The following MYLK3 variants were observed in gnomAD, a reference collection of about 807,000 sequenced individuals.
The protein encoded by MYLK3 is MLC kinase.
MYLK3 carries 55 observed loss-of-function variants against 76.3 expected under a neutral mutation model. The ratio of observed to expected loss-of-function variants is 0.72; its 90% CI spans 0.58 to 0.90. The LOEUF (loss-of-function observed/expected upper bound fraction) is 0.90. Among genes scored for constraint, MYLK3 ranks in the 40% least tolerant of loss-of-function variants. The probability of loss-of-function intolerance (pLI) is 0.00; values close to 1 mark genes in which losing one functional copy is unlikely to be tolerated. For synonymous variants in MYLK3, 416 were observed against 425.4 expected (o/e 0.98, Z 0.27); for missense variants, 973 against 1,053.6 (o/e 0.92, Z 1.06).
intron 1 of MYLK3, among the ~76,000 whole-genome samples, chr16:46,741,553 G>A (rs545636886): frequency 6.6e-6 from 1 of 152,342 alleles, no homozygotes; most frequent in South Asian, 2.1e-4. Flanking sequence ...TGTTACAGCA[G>A]CAGTGCCAGC....
In MYLK3 at chr16:46,703,025, A is replaced by G. The variant is rs1160658971; in HGVS notation, c.*4679T>C. Among the ~76,000 whole-genome samples the G allele has an allele frequency of 2.0e-5, 3 of 151,802 alleles. No homozygotes were observed. Among genetic ancestry groups the G allele is most frequent in the Non-Finnish European group, 2.9e-5 (2 of 67,982 alleles). On this transcript the variant is annotated 3_prime_UTR_variant, in exon 13 of 13. Transcript: ENST00000394809. ...TGAAAAGTGGAATTCCCCCTCTCCC[A>G]ATCACCCACTTTTCACACTCCACTG... is the stretch of plus-strand genomic sequence containing the variant.
At chr16:46,715,913 C>G (rs953927030) in intron 9 of MYLK3, among the ~76,000 whole-genome samples, 1 of 152,198 alleles carries the variant, frequency 6.6e-6, no homozygotes, top group Non-Finnish European at 1.5e-5. Context: ...CCTGCAAAAC[C>G]CCCACAGATC....
At chr16:46,716,092 C>T (rs1291162399) in intron 9 of MYLK3, among the ~76,000 whole-genome samples, 2 of 152,190 alleles carry the variant, frequency 1.3e-5, no homozygotes, top group Admixed American at 6.5e-5. Flanking sequence ...CCACGGAGTG[C>T]GGTTTCCTGC....
Position 46,748,086 on chromosome 16 carries a change from C to T in MYLK3, c.108G>A (p.Val36=), listed in dbSNP as rs780267774. The change falls in exon 1 of 13, where the codon GTG becomes GTA. Residue 36 remains valine (V), a synonymous_variant. Coordinates refer to ENST00000394809, the MANE Select transcript of MYLK3 (RefSeq NM_182493.3). The surrounding 1 kb of genome is among the most constrained non-coding windows in gnomAD (Gnocchi z 4.3). ...DTKLNMLNEK[V]DQLLHFQEDV... The stretch of plus-strand genomic sequence containing the variant: ...CTTCTTGGAAGTGCAGGAGCTGGTC[C>T]ACCTTCTCGTTCAGCATGTTCAGCT... 3.7e-6 allele frequency: 6 copies of T among 1,614,264 alleles called. No homozygotes were observed. Among genetic ancestry groups the T allele is most frequent in the Non-Finnish European group, 5.1e-6 (6 of 1,180,050 alleles).
chr16:46,739,088 A>G (rs1375872059), intron 2 of MYLK3, among the ~76,000 whole-genome samples: 1 of 151,920 alleles, frequency 6.6e-6, no homozygotes, highest in South Asian at 2.1e-4. Flanking sequence ...TGATCTGCCC[A>G]CCTCAGCCTC....
chr16:46,722,468 T>A (rs1966809064), intron 8 of MYLK3, among the ~76,000 whole-genome samples: 1 of 152,360 alleles, frequency 6.6e-6, no homozygotes, highest in Admixed American at 6.5e-5. Flanking sequence ...TTGTTATTTA[T>A]GTTACAATGG....
chr16:46,726,727 A>AAGAAAGAG (rs1966842943), intron 8 of MYLK3: 2 of 148,818 alleles, frequency 1.3e-5, no homozygotes, highest in African/African-American at 4.9e-5. Flanking sequence ...GAAAGAAAGA[A>AAGAAAGAG]AGAAAGAAAA....
intron 9 of MYLK3, among the ~76,000 whole-genome samples, chr16:46,715,639 T>C (rs906308412): frequency 3.9e-5 from 6 of 152,144 alleles, no homozygotes; most frequent in East Asian, 1.9e-4. Flanking sequence ...ATAATTTCCA[T>C]TGTGTCTCCA....
chr16:46,749,275 G>C (rs1408404979), upstream of MYLK3, among the ~76,000 whole-genome samples: 3 of 152,206 alleles, frequency 2.0e-5, no homozygotes, highest in Non-Finnish European at 4.4e-5. Flanking sequence ...TTTCCATCCA[G>C]CTCCCCGTGG....
intron 3 of MYLK3, among the ~76,000 whole-genome samples, chr16:46,735,862 C>T (rs1169539901): frequency 6.6e-6 from 1 of 152,192 alleles, no homozygotes; most frequent in Non-Finnish European, 1.5e-5. Context: ...AGTGAAGCCC[C>T]TAAAGGCACT....
intron 8 of MYLK3, 91 bp from the exon 9 acceptor site, chr16:46,721,284 TC>T (rs1418793351): frequency 8.1e-7 from 1 of 1,239,334 alleles, no homozygotes; most frequent in East Asian, 2.3e-5. Context: ...TTTCCAGCCT[TC>T]AAGGGACATG....
Position 46,727,940 on chromosome 16 carries a change from G to T in MYLK3, c.1773-563C>A, listed in dbSNP as rs527546208. Among the ~76,000 whole-genome samples, 5 of 152,282 alleles carry T rather than the reference G, an allele frequency of 3.3e-5. No individual in the cohort carries two copies. In the East Asian group the frequency reaches 9.7e-4, roughly 29 times the overall value. On this transcript the variant is annotated intron_variant, in intron 7 of 12. Transcript: ENST00000394809. ...AGAGGGGATGGCCATCAGTGTTGAT[G>T]ATCCAGGCACACTCTGGATGATTCT... is the stretch of plus-strand genomic sequence containing the variant.
chr16:46,710,554 C>T, intron 11 of MYLK3, 83 bp downstream of exon 11: 1 of 1,495,232 alleles, frequency 6.7e-7, no homozygotes, highest in Non-Finnish European at 9.1e-7. Context: ...GAAGAAGGAC[C>T]TTCACGGTCA....
chr16:46,721,448 T>C (rs252724), intron 8 of MYLK3, among the ~76,000 whole-genome samples: 148,796 of 152,338 alleles, frequency 0.98, 72,750 homozygotes, highest in East Asian at 1. Flanking sequence ...CACTGGTCAC[T>C]ATGTAGGAGT....
chr16:46,732,563 C>G lies in MYLK3; in HGVS notation c.1107G>C (p.Gln369His), dbSNP rs1287898704. ...TLTTEAPAAAQPGKQGPPGTG... is the reference protein window; with the variant it reads ...TLTTEAPAAAHPGKQGPPGTG... Reference sequence around the variant, plus strand: ...TCCCAGGTGGGCCCTGCTTGCCTGGCTGGGCAGCTGCTGGAGCCTCTGTGG... The same window carrying G: ...TCCCAGGTGGGCCCTGCTTGCCTGGGTGGGCAGCTGCTGGAGCCTCTGTGG... Residue 369 changes from glutamine to histidine, a missense_variant, in exon 4 of 13, where the codon CAG (glutamine) becomes CAC (histidine). Gln to His is a conservative substitution (Grantham distance 24). Transcript: ENST00000394809. 10 of 1,600,062 alleles carry G rather than the reference C, an allele frequency of 6.2e-6. No homozygotes were observed. Among genetic ancestry groups the G allele is most frequent in the South Asian group, 4.4e-5 (4 of 90,964 alleles).
chr16:46,737,989 G>A lies in MYLK3; in HGVS notation c.723C>T (p.Pro241=), dbSNP rs1966879373. ...GPAQAFPGHL[P]LPTKVEAKAP... is the part of the protein sequence containing the mutation. Reference sequence around the variant, plus strand: ...CCTTGGCTTCCACCTTTGTGGGCAGGGGCAGGTGGCCAGGGAATGCCTGGG... The same window carrying A: ...CCTTGGCTTCCACCTTTGTGGGCAGAGGCAGGTGGCCAGGGAATGCCTGGG... Residue 241 remains proline, a synonymous_variant, in exon 3 of 13, where the codon CCC becomes CCT. Coordinates refer to ENST00000394809, the MANE Select transcript of MYLK3 (RefSeq NM_182493.3). The A allele has an allele frequency of 6.2e-7, 1 of 1,613,918 alleles. No homozygotes were observed. The highest frequency in any genetic ancestry group is 8.5e-7 in the Non-Finnish European group (1 of 1,180,006).
intron 12 of MYLK3, among the ~76,000 whole-genome samples, chr16:46,708,830 A>G (rs1966653585): frequency 1.3e-5 from 2 of 152,186 alleles, no homozygotes; most frequent in Admixed American, 1.3e-4. Flanking sequence ...TTGTAAACAA[A>G]ATTATAAAGT....
intron 2 of MYLK3, 21 bp from the exon 3 acceptor site, chr16:46,738,164 C>A (rs762967286): frequency 1.5e-5 from 23 of 1,488,318 alleles, no homozygotes; most frequent in African/African-American, 4.2e-5. Context: ...ACAGGCAGGA[C>A]AAAAATGCAC....
At chr16:46,717,412 C>T (rs1966753202) in intron 9 of MYLK3, among the ~76,000 whole-genome samples, 2 of 152,160 alleles carry the variant, frequency 1.3e-5, no homozygotes, top group South Asian at 4.1e-4. Flanking sequence ...GGTAAATTGA[C>T]CTATAGCCCT....
Sources: gnomAD v4.1 joint callset for allele counts (sites outside exome capture counted in the v4.1 genomes callset) on GRCh38, gnomAD v4.1.1 for gene constraint, Gnocchi (gnomAD v3.1) non-coding constraint, MANE v1.5 for transcripts, NCBI Gene and HGNC (gene_info 2026-07-23, HGNC 2026-07-21) for gene names.